TMC4: variants seen among roughly 807,000 people sequenced by gnomAD.
The protein encoded by TMC4 is transmembrane channel like 4.
Under a neutral mutation model 82.0 loss-of-function variants are expected in TMC4, and 70 were observed. The observed-to-expected ratio is 0.85, with a 90% CI of 0.70 to 1.04. The LOEUF (loss-of-function observed/expected upper bound fraction) is 1.04. TMC4 is among the 50% of genes least tolerant of loss of function. The pLI is 0.00. For synonymous variants in TMC4, 446 were observed against 406.0 expected, an observed-to-expected ratio of 1.10 and a Z score of -1.18; for missense variants, 879 against 899.0, an observed-to-expected ratio of 0.98 and a Z score of 0.28.
rs778185827 is a variant in TMC4, at chr19:54,165,407, C to T, written c.945+12G>A. The T allele has an allele frequency of 2.5e-6, 4 of 1,588,512 alleles. No individual in the cohort carries two copies. The highest frequency in any genetic ancestry group is 1.3e-5 in the African/African-American group (1 of 74,688). On this transcript the variant is annotated intron_variant, in intron 6 of 14. Coordinates refer to ENST00000619895, the MANE Select transcript of TMC4 (RefSeq NM_144686.4). The stretch of plus-strand genomic sequence containing the variant: ...TCCCTACCCAGTTGCAGACCCCGCT[C>T]CCTAATCGCACCTTTAATTCGTACA...
intron 5 of TMC4, among the ~76,000 whole-genome samples, chr19:54,166,754 G>A (rs1350103416): frequency 6.6e-6 from 1 of 152,136 alleles, no homozygotes; most frequent in Non-Finnish European, 1.5e-5. Flanking sequence ...AGGAGTTCGA[G>A]ACCAGCCTGA....
chr19:54,161,217 C>A lies in TMC4; in HGVS notation c.1730G>T (p.Arg577Leu), dbSNP rs867459684. ...STCSPAARTF[R>L]ASAANFFFPL... is the part of the protein sequence containing the mutation. Reference sequence around the variant, plus strand: ...GAAAAAGAAATTCGCCGCGGAGGCCCGGAAGGTGCGGGCAGCCGGGGAGCA... The same window carrying A: ...GAAAAAGAAATTCGCCGCGGAGGCCAGGAAGGTGCGGGCAGCCGGGGAGCA... The change falls in exon 12 of 15, where the codon CGG (arginine) becomes CTG (leucine). Residue 577 changes from arginine to leucine, a missense_variant. By Grantham distance (102) the Arg-to-Leu change is moderately radical (BLOSUM62 -2). Coordinates refer to ENST00000619895, the MANE Select transcript of TMC4 (RefSeq NM_144686.4). 6.3e-7 allele frequency: 1 copy of A among 1,585,614 alleles called. No homozygotes were observed. The highest frequency in any genetic ancestry group is 1.1e-5 in the South Asian group (1 of 87,360).
chr19:54,163,898 G>A lies in TMC4; in HGVS notation c.1114-11C>T, dbSNP rs775664413. ...GACAAGGGGCATCTCCTGGGAGCGG[G>A]ATGGACCATGAGTAGAGGCTTGGGG... On this transcript the variant is annotated splice_polypyrimidine_tract_variant and intron_variant, in intron 7 of 14. Transcript: ENST00000619895. The A allele has an allele frequency of 1.2e-6, 2 of 1,613,880 alleles. No homozygotes were observed. The highest frequency in any genetic ancestry group is 1.7e-6 in the Non-Finnish European group (2 of 1,179,976).
At chr19:54,162,345 C>T in intron 10 of TMC4, 60 bp from the exon 11 acceptor site, 2 of 1,293,060 alleles carry the variant, frequency 1.5e-6, no homozygotes, top group Non-Finnish European at 2.0e-6. Flanking sequence ...AGTTTCCACG[C>T]CTCCACCGCC....
At chr19:54,163,669 C>G in intron 8 of TMC4, 55 bp downstream of exon 8, 1 of 1,594,316 alleles carries the variant, frequency 6.3e-7, no homozygotes, top group Non-Finnish European at 8.6e-7. Context: ...GCGCCAACAT[C>G]CCTCTGACCG....
intron 3 of TMC4, 88 bp downstream of exon 3, chr19:54,169,424 A>C: frequency 6.7e-7 from 1 of 1,481,866 alleles, no homozygotes; most frequent in South Asian, 1.3e-5. Context: ...CTCCTCCCTC[A>C]AACCCAGGAG....
chr19:54,166,536 G>C (rs527538596), intron 5 of TMC4, among the ~76,000 whole-genome samples: 5 of 152,258 alleles, frequency 3.3e-5, no homozygotes, highest in African/African-American at 1.2e-4. Context: ...TGGTCTCCTT[G>C]CTTCCACTTG....
chr19:54,168,271 G>C lies in TMC4; in HGVS notation c.697C>G (p.Leu233Val), dbSNP rs2075754110. The change falls in exon 5 of 15, where the codon CTC becomes GTC. Residue 233 changes from leucine (L) to valine (V), a missense_variant. Physicochemically the swap from Leu to Val is conservative, Grantham distance 32 (BLOSUM62 1). Transcript: ENST00000619895. ...CGGGGCGGGTAGAAGCCATAGAAGA[G>C]AGGGGACCATTCCAGGTAACCCTGT... ...SGEGYLEWSP[L>V]FYGFYPPRPR... 1.3e-5 allele frequency: 20 copies of C among 1,555,736 alleles called. No homozygotes were observed. Among genetic ancestry groups the C allele is most frequent in the Non-Finnish European group, 1.7e-5 (19 of 1,149,174 alleles).
chr19:54,162,428 A>AG (rs2075586976), intron 10 of TMC4, 143 bp from the exon 11 acceptor site: 3 of 581,214 alleles, frequency 5.2e-6, no homozygotes, highest in Non-Finnish European at 5.4e-6. Flanking sequence ...CTCCACGTGG[A>AG]GGGGGTGTGT....
chr19:54,164,674 T>C, intron 6 of TMC4, 73 bp from the exon 7 acceptor site: 1 of 1,578,948 alleles, frequency 6.3e-7, no homozygotes, highest in Non-Finnish European at 8.6e-7. Context: ...CAGGTCTGGC[T>C]CTCCAGAGAT....
At position 54,160,241 on chromosome 19, in the gene TMC4, A is replaced by G; in HGVS notation, c.*65T>C. 6.8e-7 allele frequency: 1 copy of G among 1,462,740 alleles called. No homozygotes were observed. The highest frequency in any genetic ancestry group is 9.1e-7 in the Non-Finnish European group (1 of 1,097,828). 90.6% of individuals were successfully genotyped at this position (1,462,740 alleles called of 1,614,324 possible). On this transcript the variant is annotated 3_prime_UTR_variant, in exon 15 of 15. Transcript: ENST00000619895. The stretch of plus-strand genomic sequence containing the variant: ...GAGTCTTCTCCAGTTCTCCTAGTTT[A>G]CAGATGTTGTGACCTAGGCTTACAA...
rs149954505 is a variant in TMC4, at chr19:54,163,795, C to A, written c.1206G>T (p.Pro402=). Residue 402 remains proline (P), a synonymous_variant, in exon 8 of 15, where the codon CCG becomes CCT. Coordinates refer to ENST00000619895, the MANE Select transcript of TMC4 (RefSeq NM_144686.4). ...IFIAGVNFVL[P]PVFKLIAPLE... ...GTGGAGCAATGAGCTTGAACACGGG[C>A]GGCAGCACAAAATTGACCCCAGCGA... 1 of 1,613,810 alleles carries A rather than the reference C, an allele frequency of 6.2e-7. No individual in the cohort carries two copies. The highest frequency in any genetic ancestry group is 1.3e-5 in the African/African-American group (1 of 74,830).
chr19:54,170,563 A>G (rs1390941511), intron 2 of TMC4, among the ~76,000 whole-genome samples: 1 of 152,142 alleles, frequency 6.6e-6, no homozygotes, highest in Non-Finnish European at 1.5e-5. Flanking sequence ...TTCCTTATAT[A>G]AAACGGTATA....
chr19:54,167,986 C>A (rs576409529), intron 5 of TMC4, among the ~76,000 whole-genome samples, 185 bp downstream of exon 5: 1 of 151,900 alleles, frequency 6.6e-6, no homozygotes, highest in African/African-American at 2.4e-5. Flanking sequence ...TCGCTTGAAA[C>A]CGGAAGGCGG....
chr19:54,161,401 C>T (rs1164490540), intron 11 of TMC4, 141 bp from the exon 12 acceptor site: 45 of 1,016,902 alleles, frequency 4.4e-5, no homozygotes, highest in Non-Finnish European at 5.5e-5. Context: ...CTCTGTCGCC[C>T]AGGCTGGAGT....
intron 2 of TMC4, among the ~76,000 whole-genome samples, chr19:54,169,963 TGGTGGCG>T (rs1473515786): frequency 3.3e-5 from 5 of 149,450 alleles, no homozygotes; most frequent in Non-Finnish European, 7.4e-5. Flanking sequence ...TAGCTGGGCC[TGGTGGCG>T]GGTGCCTGTA....
intron 12 of TMC4, 28 bp downstream of exon 12, chr19:54,161,102 G>A (rs768236324): frequency 1.3e-6 from 2 of 1,598,402 alleles, no homozygotes; most frequent in Admixed American, 3.5e-5. Flanking sequence ...GAGAGGGAGG[G>A]AGAGAGGCGG....
Position 54,168,535 on chromosome 19 carries a change from G to A in TMC4, c.588C>T (p.Asp196=). ...TATAGGAGCCGCAGGGCGAGGAGAT[G>A]TCGGGGCCGGGAGGGCCTGGGGGAG... ...GGAPPGPPGP[D]ISSPCGSYNP... The change falls in exon 4 of 15, where the codon GAC becomes GAT. Residue 196 remains aspartate, a synonymous_variant. Transcript: ENST00000619895. The A allele has an allele frequency of 6.4e-7, 1 of 1,556,074 alleles. No individual in the cohort carries two copies. Among genetic ancestry groups the A allele is most frequent in the South Asian group, 1.2e-5 (1 of 84,208 alleles).
chr19:54,161,069 G>T lies in TMC4; in HGVS notation c.1818-36C>A, dbSNP rs200964258. The T allele has an allele frequency of 1.2e-3, 1,995 of 1,612,948 alleles. 2 individuals are homozygous for T. The highest frequency in any genetic ancestry group is 1.6e-3 in the Non-Finnish European group (1,892 of 1,179,238). ...GACAGGCTGGGCTCACATAGTGCCAGGAGTCTGAACACTGAATGGGGAGAG... is the reference window on the plus strand; with the variant it reads ...GACAGGCTGGGCTCACATAGTGCCATGAGTCTGAACACTGAATGGGGAGAG... On this transcript the variant is annotated intron_variant, in intron 12 of 14. Transcript: ENST00000619895.
Sources: gnomAD v4.1 joint callset for allele counts (sites outside exome capture counted in the v4.1 genomes callset) on GRCh38, gnomAD v4.1.1 for gene constraint, MANE v1.5 for transcripts, NCBI Gene and HGNC (gene_info 2026-07-23, HGNC 2026-07-21) for gene names.